The following CRACD variants were observed in gnomAD, a reference collection of about 807,000 sequenced individuals.
The protein encoded by CRACD is capping protein inhibiting regulator of actin dynamics.
Under a neutral mutation model 106.8 loss-of-function variants are expected in CRACD, and 56 were observed. The ratio of observed to expected loss-of-function variants is 0.52; its 90% CI spans 0.42 to 0.66. The LOEUF is 0.66. Ranked by LOEUF, CRACD falls within the 30% of genes least tolerant of loss-of-function variation. The pLI is 0.00. For missense variants in CRACD, 1,730 were observed against 1,623.2 expected (o/e 1.07, Z -1.13); for synonymous variants, 754 against 670.8 (o/e 1.12, Z -1.92).
chr4:56,167,927 A>G (rs1424643105), intron 1 of CRACD, among the ~76,000 whole-genome samples: 1 of 152,088 alleles, frequency 6.6e-6, no homozygotes, highest in Non-Finnish European at 1.5e-5. Context: ...GTATCCTAAA[A>G]CCCTGGGAAA....
At position 56,244,305 on chromosome 4, in the gene CRACD, A is replaced by G. The variant is rs141263809; in HGVS notation, c.-188-28016A>G. Among the ~76,000 whole-genome samples the G allele has an allele frequency of 3.9e-3, 593 of 152,264 alleles. 7 individuals carry two copies. The highest frequency in any genetic ancestry group is 0.013 in the African/African-American group (525 of 41,552). On this transcript the variant is annotated intron_variant, in intron 2 of 10. Transcript: ENST00000682029. ...CTGGAAGGGGGTTCATATGCTGGCA[A>G]TGATGTTATGGGCCTGATAGTGATC...
At chr4:56,079,125 C>G (rs1732939737) in intron 1 of CRACD, among the ~76,000 whole-genome samples, 2 of 152,120 alleles carry the variant, frequency 1.3e-5, no homozygotes, top group South Asian at 4.1e-4. Context: ...TCCAGCGTGT[C>G]CTGCCAGGGA....
At chr4:56,206,140 A>T (rs1355683473) in intron 2 of CRACD, among the ~76,000 whole-genome samples, 1 of 152,224 alleles carries the variant, frequency 6.6e-6, no homozygotes, top group East Asian at 1.9e-4. Context: ...GGTTAGAATG[A>T]ATTAATATGT....
intron 1 of CRACD, among the ~76,000 whole-genome samples, chr4:56,068,977 G>C (rs1431772559): frequency 6.6e-6 from 1 of 152,172 alleles, no homozygotes; most frequent in East Asian, 1.9e-4. Context: ...CCAGTGACTA[G>C]TGTCCCTGTG....
At chr4:56,186,845 T>G (rs1175772153) in intron 2 of CRACD, among the ~76,000 whole-genome samples, 1 of 152,172 alleles carries the variant, frequency 6.6e-6, no homozygotes, top group Non-Finnish European at 1.5e-5. Context: ...GAAGACTGCA[T>G]GAGCCCAGGA....
chr4:56,234,444 A>T (rs529351213), intron 2 of CRACD, among the ~76,000 whole-genome samples: 2 of 152,176 alleles, frequency 1.3e-5, no homozygotes, highest in Non-Finnish European at 2.9e-5. Flanking sequence ...CATTGTGTGG[A>T]TCTATATAAC....
chr4:56,135,937 C>G (rs956245373), intron 1 of CRACD, among the ~76,000 whole-genome samples: 1 of 152,166 alleles, frequency 6.6e-6, no homozygotes, highest in East Asian at 1.9e-4. Flanking sequence ...TCTACTCACA[C>G]CCTAGAAAAC....
At chr4:56,057,698 C>G (rs934819753) in intron 1 of CRACD, among the ~76,000 whole-genome samples, 4 of 148,416 alleles carry the variant, frequency 2.7e-5, no homozygotes, top group Admixed American at 2.7e-4. Context: ...AGTCTCAGCT[C>G]ACTGCAACCT....
At chr4:56,069,372 G>A (rs1230186774) in intron 1 of CRACD, among the ~76,000 whole-genome samples, 2 of 152,194 alleles carry the variant, frequency 1.3e-5, no homozygotes, top group Non-Finnish European at 2.9e-5. Flanking sequence ...TTAGTTTAGA[G>A]ATGGTGTTTA....
At chr4:56,081,882 A>G (rs1733045427) in intron 1 of CRACD, among the ~76,000 whole-genome samples, 3 of 152,068 alleles carry the variant, frequency 2.0e-5, no homozygotes, top group Admixed American at 2.0e-4. Flanking sequence ...AGGCTGAGGC[A>G]GGAGAATTGC....
intron 1 of CRACD, among the ~76,000 whole-genome samples, chr4:56,153,469 A>T (rs967174884): frequency 1.3e-5 from 2 of 151,872 alleles, no homozygotes; most frequent in Admixed American, 1.3e-4. Flanking sequence ...TACCTCCGAG[A>T]TGTGGTGTAT....
Position 56,310,764 on chromosome 4 carries a change from T to G in CRACD, c.354+30T>G, listed in dbSNP as rs1271802835. 9.4e-6 allele frequency: 14 copies of G among 1,496,196 alleles called. No homozygotes were observed. The African/African-American group carries it at 1.9e-4, about 21-fold the overall frequency. 92.7% of individuals were successfully genotyped at this position (1,496,196 alleles called of 1,614,324 possible). On this transcript the variant is annotated intron_variant, in intron 6 of 10. Coordinates refer to ENST00000682029, the MANE Select transcript of CRACD (RefSeq NM_001393381.1). ...TATGATTTGAACTTATTTATTTGGC[T>G]TCTTTCCTTACTTAACTTTCATCTT...
rs1746619815 is a variant in CRACD at position 56,328,597 on chromosome 4, T to TA, written c.*794dup. On this transcript the variant is annotated 3_prime_UTR_variant, in exon 11 of 11. Coordinates refer to ENST00000682029, the MANE Select transcript of CRACD (RefSeq NM_001393381.1). ...CTTTCTGTCTCTGAGAATCTCCATC[T>TA]AGGGCAGTAGTTCTTATGATGTGTA... The TA allele has an allele frequency of 3.0e-6, 1 of 337,262 alleles. No individual in the cohort carries two copies. The highest frequency in any genetic ancestry group is 4.0e-5 in the Admixed American group (1 of 24,802). 20.9% of individuals were successfully genotyped at this position (337,262 alleles called of 1,614,324 possible). A position where few individuals can be genotyped will look rare whatever the true frequency, so the allele number is the denominator to read the frequency against.
intron 1 of CRACD, among the ~76,000 whole-genome samples, chr4:56,140,075 A>G (rs991305415): frequency 6.6e-6 from 1 of 152,240 alleles, no homozygotes; most frequent in Non-Finnish European, 1.5e-5. Context: ...AAGTGTAGTC[A>G]TCAGAGGACA....
intron 1 of CRACD, among the ~76,000 whole-genome samples, chr4:56,136,873 T>C (rs576323985): frequency 4.0e-4 from 61 of 152,364 alleles, no homozygotes; most frequent in African/African-American, 1.4e-3. Flanking sequence ...CTAGAAGTTT[T>C]ATAGTTTGAG....
Position 56,309,746 on chromosome 4 carries a change from C to T in CRACD, c.286-920C>T, listed in dbSNP as rs186693206. Among the ~76,000 whole-genome samples, 9 of 152,134 alleles carry T rather than the reference C, an allele frequency of 5.9e-5. No homozygotes were observed. The East Asian group carries it at 9.7e-4, about 16-fold the overall frequency. On this transcript the variant is annotated intron_variant, in intron 5 of 10. Coordinates refer to ENST00000682029, the MANE Select transcript of CRACD (RefSeq NM_001393381.1). The stretch of plus-strand genomic sequence containing the variant: ...GCGCATGCCTGTAATCCCAGCTACT[C>T]GGGAGGTTGAGGCTGCAGAATAGCT...
rs567970081 is a variant in CRACD at position 56,294,688 on chromosome 4, C to T, written c.-16-3526C>T. Among the ~76,000 whole-genome samples, 27 of 152,074 alleles carry T rather than the reference C, an allele frequency of 1.8e-4. 2 individuals carry two copies. In the South Asian group the frequency reaches 5.6e-3, roughly 32 times the overall value. The stretch of plus-strand genomic sequence containing the variant: ...CAGTACTTTGGGAGGCCAAGGTGGG[C>T]TGATCACTTGAGGCCAGGAGTTCTA... On this transcript the variant is annotated intron_variant, in intron 3 of 10. Transcript: ENST00000682029.
At chr4:56,190,598 A>G (rs975828562) in intron 2 of CRACD, among the ~76,000 whole-genome samples, 1 of 152,200 alleles carries the variant, frequency 6.6e-6, no homozygotes, top group African/African-American at 2.4e-5. Flanking sequence ...GGTCATGCTG[A>G]TATAAGAGGT....
intron 2 of CRACD, among the ~76,000 whole-genome samples, chr4:56,184,919 A>G (rs1479008978): frequency 2.0e-5 from 3 of 152,206 alleles, no homozygotes; most frequent in African/African-American, 7.2e-5. Context: ...GAAATTAAAC[A>G]TTTTAAAGTG....
Sources: allele counts gnomAD v4.1 joint callset (sites outside exome capture counted in the v4.1 genomes callset), GRCh38; gene constraint gnomAD v4.1.1; transcripts MANE v1.5; gene names NCBI Gene and HGNC (gene_info 2026-07-23, HGNC 2026-07-21).